GRIA1: variants seen among roughly 807,000 people sequenced by gnomAD.
GRIA1 encodes the protein glutamate ionotropic receptor AMPA type subunit 1, also known as glutamate receptor 1.
Under a neutral mutation model 99.2 loss-of-function variants are expected in GRIA1, and 31 were observed. That is an observed-to-expected ratio of 0.31 (90% confidence interval 0.23 to 0.42). GRIA1 has a LOEUF of 0.42. Ranked by LOEUF, GRIA1 falls within the 10% of genes least tolerant of loss-of-function variation. The pLI, the probability that GRIA1 is intolerant of heterozygous loss-of-function variation, is 1.00. For synonymous variants in GRIA1, 438 were observed against 432.4 expected (o/e 1.01, Z -0.16); for missense variants, 782 against 1,157.5 (o/e 0.68, Z 4.71).
chr5:153,719,457 G>A (rs12517168), intron 11 of GRIA1, among the ~76,000 whole-genome samples: 80,270 of 151,372 alleles, frequency 0.53, 22,160 homozygotes, highest in East Asian at 0.94. Flanking sequence ...CAGCTGGGGG[G>A]AGGAATTATC....
intron 2 of GRIA1, among the ~76,000 whole-genome samples, chr5:153,511,289 A>G (rs894964435): frequency 6.6e-6 from 1 of 152,228 alleles, no homozygotes; most frequent in Admixed American, 6.5e-5. Flanking sequence ...TGGTTGGCTG[A>G]ATCATTGTAT....
intron 4 of GRIA1, among the ~76,000 whole-genome samples, chr5:153,655,387 C>T (rs1754866943): frequency 6.6e-6 from 1 of 152,154 alleles, no homozygotes; most frequent in Non-Finnish European, 1.5e-5. Flanking sequence ...ATCTGTTTTT[C>T]CAATCAGCGA....
intron 11 of GRIA1, among the ~76,000 whole-genome samples, chr5:153,740,255 C>T (rs890705583): frequency 1.1e-4 from 17 of 152,088 alleles, no homozygotes; most frequent in African/African-American, 2.9e-4. Flanking sequence ...CTAGTACAGG[C>T]GGAGAGGAGA....
intron 2 of GRIA1, among the ~76,000 whole-genome samples, chr5:153,578,558 G>A (rs1762774086): frequency 6.6e-6 from 1 of 152,180 alleles, no homozygotes; most frequent in African/African-American, 2.4e-5. Context: ...TTAAGTGCAT[G>A]AGAAGCCACT....
intron 2 of GRIA1, among the ~76,000 whole-genome samples, chr5:153,570,824 G>A (rs191335525): frequency 3.9e-5 from 6 of 152,214 alleles, no homozygotes; most frequent in African/African-American, 1.2e-4. Context: ...TAACAATTGA[G>A]TACTAGTATT....
intron 15 of GRIA1, among the ~76,000 whole-genome samples, chr5:153,809,641 G>A (rs1766674952): frequency 6.6e-6 from 1 of 152,182 alleles, no homozygotes; most frequent in South Asian, 2.1e-4. Flanking sequence ...GTGTTTCTTA[G>A]ACAAATTCAA....
At chr5:153,783,428 G>T (rs1019598102) in intron 13 of GRIA1, among the ~76,000 whole-genome samples, 1 of 152,204 alleles carries the variant, frequency 6.6e-6, no homozygotes, top group Non-Finnish European at 1.5e-5. Context: ...ACTGTGAGCT[G>T]CAAATGAACT....
At position 153,794,740 on chromosome 5, in the gene GRIA1, GC is replaced by G; in HGVS notation, c.2385+9del. ...AGCGGGGGAGGTGATTCCAAGGTCA[GC>G]CCCAGTAAGAAAAAAAAAAACCTAG... On this transcript the variant is annotated splice_donor_region_variant and intron_variant, in intron 14 of 15. Coordinates refer to ENST00000285900, the MANE Select transcript of GRIA1 (RefSeq NM_000827.4). 2 of 1,571,648 alleles carry G rather than the reference GC, an allele frequency of 1.3e-6. No individual in the cohort carries two copies. The highest frequency in any genetic ancestry group is 1.4e-5 in the African/African-American group (1 of 73,258).
intron 11 of GRIA1, among the ~76,000 whole-genome samples, chr5:153,761,560 C>G (rs911062236): frequency 2.0e-5 from 3 of 151,930 alleles, no homozygotes; most frequent in African/African-American, 7.3e-5. Context: ...TCTTATATGC[C>G]GCTGGTGGGA....
chr5:153,735,406 T>C (rs975319875), intron 11 of GRIA1, among the ~76,000 whole-genome samples: 1 of 151,944 alleles, frequency 6.6e-6, no homozygotes, highest in African/African-American at 2.4e-5. Context: ...AAGCAGGGGG[T>C]ACCTGACTGG....
intron 2 of GRIA1, among the ~76,000 whole-genome samples, chr5:153,602,047 T>TA (rs1450681254): frequency 2.0e-5 from 3 of 152,206 alleles, no homozygotes; most frequent in Admixed American, 6.5e-5. Context: ...ACCAAAGGAC[T>TA]ATAAATCATG....
chr5:153,506,200 G>A (rs1328660982), intron 2 of GRIA1, among the ~76,000 whole-genome samples: 1 of 152,152 alleles, frequency 6.6e-6, no homozygotes, highest in East Asian at 1.9e-4. Context: ...GCATAGCAAG[G>A]CAGAGAGGGG....
intron 11 of GRIA1, among the ~76,000 whole-genome samples, chr5:153,708,481 A>G (rs1003219368): frequency 1.3e-5 from 2 of 152,198 alleles, no homozygotes; most frequent in Non-Finnish European, 2.9e-5. Flanking sequence ...CCTGATTTTC[A>G]TAAAACAACT....
At chr5:153,684,895 C>T (rs1757236417) in intron 7 of GRIA1, among the ~76,000 whole-genome samples, 1 of 152,056 alleles carries the variant, frequency 6.6e-6, no homozygotes, top group African/African-American at 2.4e-5. Flanking sequence ...CTGTTGTGAC[C>T]TCCTCACTGA....
At chr5:153,545,370 TA>T (rs1255418525) in intron 2 of GRIA1, among the ~76,000 whole-genome samples, 1 of 151,426 alleles carries the variant, frequency 6.6e-6, no homozygotes, top group Admixed American at 6.6e-5. Context: ...AGGGGTGAGT[TA>T]AATAAGACAA....
At chr5:153,616,586 AC>A (rs1342768177) in intron 2 of GRIA1, among the ~76,000 whole-genome samples, 1 of 152,214 alleles carries the variant, frequency 6.6e-6, no homozygotes, top group Non-Finnish European at 1.5e-5. Context: ...CACAGGTTGG[AC>A]AAGCTTGCTC....
chr5:153,493,145 C>T (rs1561581933), intron 1 of GRIA1, among the ~76,000 whole-genome samples: 1 of 152,176 alleles, frequency 6.6e-6, no homozygotes, highest in Non-Finnish European at 1.5e-5. Flanking sequence ...CTTTACTATA[C>T]CTTTTACTAG....
intron 5 of GRIA1, among the ~76,000 whole-genome samples, chr5:153,669,768 C>T (rs1026715869): frequency 5.3e-5 from 8 of 152,156 alleles, no homozygotes; most frequent in Middle Eastern, 3.4e-3. Flanking sequence ...GTTTCCTTTA[C>T]ACTTCTACAT....
At chr5:153,690,645 G>A (rs898473400) in intron 8 of GRIA1, among the ~76,000 whole-genome samples, 12 of 152,202 alleles carry the variant, frequency 7.9e-5, no homozygotes, top group Non-Finnish European at 1.5e-4. Context: ...TTGCATTTGG[G>A]GGAGTCAGGC....
Sources: allele counts gnomAD v4.1 joint callset (sites outside exome capture counted in the v4.1 genomes callset), GRCh38; gene constraint gnomAD v4.1.1; transcripts MANE v1.5; gene names NCBI Gene and HGNC (gene_info 2026-07-23, HGNC 2026-07-21).